STXBP5L: variants seen among roughly 807,000 people sequenced by gnomAD.
STXBP5L encodes the protein syntaxin binding protein 5L, also known as syntaxin-binding protein 5-like.
In STXBP5L, 65 loss-of-function variants were observed where a neutral mutation model predicts 144.5. The ratio of observed to expected loss-of-function variants is 0.45; its 90% confidence interval spans 0.37 to 0.55. STXBP5L has a LOEUF of 0.55. Among genes scored for constraint, STXBP5L ranks in the 20% least tolerant of loss-of-function variants. The pLI is 0.00. For synonymous variants in STXBP5L, 505 were observed against 469.6 expected (o/e 1.08, Z -0.97); for missense variants, 1,298 against 1,405.5 (o/e 0.92, Z 1.22).
intron 15 of STXBP5L, among the ~76,000 whole-genome samples, chr3:121,251,064 A>C (rs1173041725): frequency 6.6e-6 from 1 of 152,190 alleles, no homozygotes; most frequent in Admixed American, 6.5e-5. Context: ...AACTCTGTTC[A>C]AGGAATTTCC....
At chr3:121,067,342 T>A (rs1310157131) in intron 5 of STXBP5L, among the ~76,000 whole-genome samples, 1 of 152,142 alleles carries the variant, frequency 6.6e-6, no homozygotes, top group Non-Finnish European at 1.5e-5. Context: ...TAATATTTAT[T>A]AATGTTGAAC....
At chr3:121,116,961 A>G (rs991589839) in intron 6 of STXBP5L, among the ~76,000 whole-genome samples, 14 of 151,994 alleles carry the variant, frequency 9.2e-5, no homozygotes, top group African/African-American at 3.4e-4. Context: ...GAATGCTGCT[A>G]AAGTAATTGA....
At chr3:121,002,344 G>A (rs779504813) in intron 3 of STXBP5L, among the ~76,000 whole-genome samples, 27 of 152,036 alleles carry the variant, frequency 1.8e-4, no homozygotes, top group Non-Finnish European at 1.9e-4. Flanking sequence ...TCCATCTGTT[G>A]TGTGTCTTCT....
chr3:121,160,291 T>C (rs891117989), intron 9 of STXBP5L, among the ~76,000 whole-genome samples: 1 of 152,166 alleles, frequency 6.6e-6, no homozygotes, highest in African/African-American at 2.4e-5. Flanking sequence ...GGATCTATTA[T>C]TAGGCATCCA....
chr3:121,208,369 A>G (rs2048423008), intron 10 of STXBP5L, among the ~76,000 whole-genome samples: 1 of 151,838 alleles, frequency 6.6e-6, no homozygotes. Context: ...GTATTAGGAG[A>G]TATATCTAAT....
intron 4 of STXBP5L, 104 bp from the exon 5 acceptor site, chr3:121,045,331 G>A (rs1217303536): frequency 2.0e-6 from 2 of 978,094 alleles, no homozygotes; most frequent in Non-Finnish European, 3.0e-6. Flanking sequence ...GATAACAAAA[G>A]TAACTCTTCA....
chr3:121,039,550 G>A (rs897410000), intron 3 of STXBP5L, among the ~76,000 whole-genome samples: 1 of 150,036 alleles, frequency 6.7e-6, no homozygotes, highest in Non-Finnish European at 1.5e-5. Context: ...TTTCCTTTTT[G>A]TATATCCAGA....
chr3:121,029,340 C>A (rs1050425969), intron 3 of STXBP5L, among the ~76,000 whole-genome samples: 2 of 152,012 alleles, frequency 1.3e-5, no homozygotes, highest in African/African-American at 2.4e-5. Flanking sequence ...GATATATAGA[C>A]CAATGGAACA....
At chr3:121,111,679 T>TG (rs532072448) in intron 5 of STXBP5L, among the ~76,000 whole-genome samples, 85 of 152,248 alleles carry the variant, frequency 5.6e-4, no homozygotes, top group African/African-American at 2.0e-3. Context: ...TGACCCTTGT[T>TG]GGGGGGTTTC....
intron 25 of STXBP5L, among the ~76,000 whole-genome samples, chr3:121,417,315 A>G (rs1015538520): frequency 6.6e-6 from 1 of 152,192 alleles, no homozygotes; most frequent in Non-Finnish European, 1.5e-5. Context: ...GATAAATGTT[A>G]TGTGAATTAT....
intron 19 of STXBP5L, 97 bp from the exon 20 acceptor site, chr3:121,318,378 T>TAA (rs377330916): frequency 9.0e-4 from 686 of 761,602 alleles, no homozygotes; most frequent in Non-Finnish European, 1.3e-3. Context: ...AGTTTTCACA[T>TAA]AAAAAAAAGC....
intron 22 of STXBP5L, among the ~76,000 whole-genome samples, chr3:121,387,502 T>A (rs1401265566): frequency 6.6e-6 from 1 of 152,258 alleles, no homozygotes; most frequent in Non-Finnish European, 1.5e-5. Context: ...TGAATGGTAT[T>A]GCCTAGGTTT....
At chr3:120,934,487 T>G (rs1462633176) in intron 2 of STXBP5L, among the ~76,000 whole-genome samples, 1 of 152,072 alleles carries the variant, frequency 6.6e-6, no homozygotes, top group Non-Finnish European at 1.5e-5. Context: ...GGATAAAATA[T>G]TCTATAAATG....
At chr3:121,299,723 A>C (rs1577394762) in intron 19 of STXBP5L, among the ~76,000 whole-genome samples, 1 of 152,100 alleles carries the variant, frequency 6.6e-6, no homozygotes, top group Admixed American at 6.6e-5. Context: ...ATGGTGGTTC[A>C]TGCCTGTAAT....
chr3:121,316,339 A>G lies in STXBP5L; in HGVS notation c.2111-2136A>G, dbSNP rs144483175. ...CTAGGGAAAATGACAGAATCAATAG[A>G]CAGTACAGAAATAGAAAAGATGGTA... On this transcript the variant is annotated intron_variant, in intron 19 of 26. Coordinates refer to ENST00000471454, the MANE Select transcript of STXBP5L (RefSeq NM_001308330.2). Among the ~76,000 whole-genome samples, 694 of 152,332 alleles carry G rather than the reference A, an allele frequency of 4.6e-3. 4 individuals are homozygous for G. The highest frequency in any genetic ancestry group is 0.016 in the African/African-American group (661 of 41,576).
rs529304568 is a variant in STXBP5L at position 120,937,660 on chromosome 3, T to C, written c.190-17280T>C. On this transcript the variant is annotated intron_variant, in intron 2 of 26. Coordinates refer to ENST00000471454, the MANE Select transcript of STXBP5L (RefSeq NM_001308330.2). ...TCAGTTTCTTTGCTTTTTTCTTGTT[T>C]TGTGGAGGAGAGCGATGACTTCTAT... 2.6e-5 allele frequency among the ~76,000 whole-genome samples: 4 copies of C among 152,296 alleles called. No individual in the cohort carries two copies. The South Asian group carries it at 8.3e-4, about 32-fold the overall frequency.
intron 5 of STXBP5L, among the ~76,000 whole-genome samples, chr3:121,079,583 C>T (rs1308452737): frequency 6.6e-6 from 1 of 152,190 alleles, no homozygotes; most frequent in Non-Finnish European, 1.5e-5. Flanking sequence ...CTTCTTCAAA[C>T]CCAAAAATAA....
intron 14 of STXBP5L, among the ~76,000 whole-genome samples, chr3:121,247,797 T>C (rs2049905129): frequency 1.3e-5 from 2 of 152,226 alleles, no homozygotes; most frequent in Admixed American, 1.3e-4. Context: ...ATGTGCCTTT[T>C]AGGTATAATG....
intron 5 of STXBP5L, among the ~76,000 whole-genome samples, chr3:121,078,954 A>T (rs2107685776): frequency 6.6e-6 from 1 of 152,330 alleles, no homozygotes; most frequent in Non-Finnish European, 1.5e-5. Context: ...CCTACCTGCA[A>T]GCTGAGGGAG....
Sources: gnomAD v4.1 joint callset for allele counts (sites outside exome capture counted in the v4.1 genomes callset) on GRCh38, gnomAD v4.1.1 for gene constraint, MANE v1.5 for transcripts, NCBI Gene and HGNC (gene_info 2026-07-23, HGNC 2026-07-21) for gene names.